Variants in FRMPD4 observed in about 807,000 individuals in gnomAD.
The protein encoded by FRMPD4 is FERM and PDZ domain containing 4, also known as FERM and PDZ domain-containing protein 4.
A neutral mutation model predicts 94.1 loss-of-function variants in FRMPD4; 22 were observed. The ratio of observed to expected loss-of-function variants is 0.23; its 90% CI spans 0.17 to 0.33. FRMPD4 has a LOEUF of 0.33. Ranked by LOEUF, FRMPD4 falls within the 10% of genes least tolerant of loss-of-function variation. The probability of loss-of-function intolerance (pLI) is 1.00; values close to 1 mark genes in which losing one functional copy is unlikely to be tolerated. For missense variants in FRMPD4, 1,111 were observed against 1,339.9 expected (o/e 0.83, Z 2.67); for synonymous variants, 631 against 548.6 (o/e 1.15, Z -2.10).
rs374439353 is a variant in FRMPD4 at position 12,187,874 on chromosome X, C to G, written c.41+48862C>G. Reference sequence around the variant, plus strand: ...GTCACAGCCAAAGAACGACACTGTTCTAGATCATAAGGACCCAAGCACCTT... The same window carrying G: ...GTCACAGCCAAAGAACGACACTGTTGTAGATCATAAGGACCCAAGCACCTT... On this transcript the variant is annotated intron_variant, in intron 1 of 16. Transcript: ENST00000675598. Among the ~76,000 whole-genome samples the G allele has an allele frequency of 3.6e-5, 4 of 111,712 alleles. No individual in the cohort carries two copies. In the East Asian group the frequency reaches 8.5e-4, roughly 24 times the overall value.
chrX:12,679,009 T>C (rs1393865693), intron 5 of FRMPD4, among the ~76,000 whole-genome samples: 1 of 112,242 alleles, frequency 8.9e-6, no homozygotes, highest in African/African-American at 3.2e-5. Context: ...AACTACATTT[T>C]ACTGTGTTCC....
chrX:12,260,907 A>G (rs1250987495), intron 1 of FRMPD4, among the ~76,000 whole-genome samples: 1 of 111,644 alleles, frequency 9.0e-6, no homozygotes, highest in Non-Finnish European at 1.9e-5. Flanking sequence ...TTATTTTTTA[A>G]GGTGACCTAA....
chrX:12,042,816 G>T (rs2054763994), intron 3 of FRMPD4, among the ~76,000 whole-genome samples: 1 of 112,000 alleles, frequency 8.9e-6, no homozygotes, highest in Non-Finnish European at 1.9e-5. Flanking sequence ...AGGCTAGCAA[G>T]ACCGTGGGTT....
chrX:12,537,454 CCT>C (rs1491324407), intron 2 of FRMPD4, among the ~76,000 whole-genome samples: 94 of 88,018 alleles, frequency 1.1e-3, no homozygotes, highest in African/African-American at 3.7e-3. Context: ...TTTTTTTTTT[CCT>C]TTTTTTTTTT....
At chrX:12,232,225 T>C (rs112672506) in intron 1 of FRMPD4, among the ~76,000 whole-genome samples, 132 of 111,838 alleles carry the variant, frequency 1.2e-3, no homozygotes, top group African/African-American at 4.1e-3. Flanking sequence ...TATTAGTCTG[T>C]TCTCATGCTG....
intron 3 of FRMPD4, among the ~76,000 whole-genome samples, chrX:12,040,177 T>C (rs1163579775): frequency 1.8e-5 from 2 of 110,413 alleles, no homozygotes; most frequent in Non-Finnish European, 3.8e-5. Flanking sequence ...ATTTCTTCTT[T>C]TGATTCTGTC....
intron 3 of FRMPD4, among the ~76,000 whole-genome samples, chrX:12,056,173 A>G (rs1293409701): frequency 8.9e-6 from 1 of 112,306 alleles, no homozygotes. Context: ...TGCCAGCAGA[A>G]GCTTTGCTGA....
intron 3 of FRMPD4, among the ~76,000 whole-genome samples, chrX:11,994,110 T>C (rs1299794530): frequency 2.7e-5 from 3 of 110,943 alleles, no homozygotes; most frequent in South Asian, 3.9e-4. Flanking sequence ...TAGGGATTTT[T>C]TGTTTTCACA....
chrX:12,580,760 C>T (rs1569348065), intron 2 of FRMPD4, among the ~76,000 whole-genome samples: 1 of 111,495 alleles, frequency 9.0e-6, no homozygotes, highest in Non-Finnish European at 1.9e-5. Flanking sequence ...TGAGCCATGA[C>T]ACTGTTGACC....
chrX:12,658,779 C>T (rs1407488519), intron 4 of FRMPD4, among the ~76,000 whole-genome samples: 4 of 111,445 alleles, frequency 3.6e-5, no homozygotes, highest in African/African-American at 1.3e-4. Flanking sequence ...TTTAGAGAGC[C>T]ATTAAAAAGT....
chrX:11,871,010 C>A (rs1347965515), intron 2 of FRMPD4, among the ~76,000 whole-genome samples: 1 of 112,530 alleles, frequency 8.9e-6, no homozygotes, highest in African/African-American at 3.2e-5. Flanking sequence ...TAGGTACTCA[C>A]CATCTCTGGG....
chrX:11,854,679 T>C (rs1230944049), intron 1 of FRMPD4, among the ~76,000 whole-genome samples: 1 of 112,676 alleles, frequency 8.9e-6, no homozygotes, highest in African/African-American at 3.2e-5. Flanking sequence ...TTTGACTCCA[T>C]ATCTCACATC....
intron 1 of FRMPD4, among the ~76,000 whole-genome samples, chrX:11,844,206 A>T (rs1363720159): frequency 9.6e-5 from 10 of 103,923 alleles, no homozygotes; most frequent in African/African-American, 2.8e-4. Flanking sequence ...TATGTTAGCT[A>T]AGCTGGCCTC....
At chrX:12,410,487 G>A (rs923166475) in intron 1 of FRMPD4, among the ~76,000 whole-genome samples, 12 of 111,059 alleles carry the variant, frequency 1.1e-4, no homozygotes, top group African/African-American at 2.9e-4. Context: ...TAACCACTTT[G>A]CACCAGTAAC....
intron 1 of FRMPD4, among the ~76,000 whole-genome samples, chrX:12,440,264 T>G (rs746607472): frequency 2.1e-4 from 24 of 112,475 alleles, no homozygotes; most frequent in Admixed American, 6.6e-4. Flanking sequence ...CTGGGTATTC[T>G]ATATTTTATT....
intron 3 of FRMPD4, among the ~76,000 whole-genome samples, chrX:11,970,713 C>T (rs992834709): frequency 1.8e-4 from 20 of 111,424 alleles, no homozygotes; most frequent in African/African-American, 2.9e-4. Flanking sequence ...TTTTTTCCCC[C>T]GAAAAGTTTT....
intron 1 of FRMPD4, among the ~76,000 whole-genome samples, chrX:12,232,745 C>T (rs767079892): frequency 1.8e-5 from 2 of 111,743 alleles, no homozygotes; most frequent in Non-Finnish European, 3.8e-5. Context: ...ATTTATTAAA[C>T]GACCAGAGGT....
chrX:12,377,746 C>T (rs1344781258), intron 1 of FRMPD4, among the ~76,000 whole-genome samples: 17 of 112,572 alleles, frequency 1.5e-4, no homozygotes, highest in Non-Finnish European at 3.0e-4. Flanking sequence ...GGCTAGAAGT[C>T]GCGATGCTCG....
chrX:12,595,988 A>G (rs986277038), intron 2 of FRMPD4, among the ~76,000 whole-genome samples: 1 of 112,515 alleles, frequency 8.9e-6, no homozygotes, highest in African/African-American at 3.2e-5. Context: ...CAAATTGTTT[A>G]TCATAAAGAA....
Sources: gnomAD v4.1 joint callset for allele counts (sites outside exome capture counted in the v4.1 genomes callset) on GRCh38, gnomAD v4.1.1 for gene constraint, MANE v1.5 for transcripts, NCBI Gene and HGNC (gene_info 2026-07-23, HGNC 2026-07-21) for gene names.